Variants in COBL observed in about 807,000 individuals in gnomAD.
COBL encodes the protein protein cordon-bleu.
A neutral mutation model predicts 98.8 loss-of-function variants in COBL; 51 were observed. The observed-to-expected ratio is 0.52, with a 90% CI of 0.41 to 0.65. The LOEUF is 0.65. Ranked by LOEUF, COBL falls within the 30% of genes least tolerant of loss-of-function variation. The pLI, the probability that COBL is intolerant of heterozygous loss-of-function variation, is 0.00. For missense variants in COBL, 1,617 were observed against 1,617.5 expected (o/e 1.00, Z 0.01); for synonymous variants, 634 against 651.7 (o/e 0.97, Z 0.41).
chr7:51,236,200 C>G (rs191465251), intron 1 of COBL, among the ~76,000 whole-genome samples: 1 of 152,134 alleles, frequency 6.6e-6, no homozygotes, highest in East Asian at 1.9e-4. Context: ...AGAGCCCTTA[C>G]AAGGAGTGCT....
intron 6 of COBL, among the ~76,000 whole-genome samples, chr7:51,112,632 T>C (rs567321416): frequency 1.3e-5 from 2 of 152,162 alleles, no homozygotes; most frequent in Non-Finnish European, 2.9e-5. Context: ...ATTTAGGCCT[T>C]GCATGGGGTC....
chr7:51,214,318 A>AAGAC (rs1563047797), intron 2 of COBL, among the ~76,000 whole-genome samples: 2 of 150,992 alleles, frequency 1.3e-5, no homozygotes, highest in African/African-American at 2.4e-5. Flanking sequence ...TAAATAAATA[A>AAGAC]AGACAATGCT....
chr7:51,082,712 T>C (rs1793786839), intron 7 of COBL, among the ~76,000 whole-genome samples: 1 of 152,130 alleles, frequency 6.6e-6, no homozygotes, highest in African/African-American at 2.4e-5. Context: ...TAGCCCACCA[T>C]CCAGATCACA....
chr7:51,154,852 T>C (rs954155841), intron 5 of COBL, among the ~76,000 whole-genome samples: 4 of 152,238 alleles, frequency 2.6e-5, no homozygotes, highest in African/African-American at 9.6e-5. Context: ...TTGCTTACAC[T>C]ACTGGAGACT....
chr7:51,019,720 A>G (rs966531600), intron 12 of COBL, among the ~76,000 whole-genome samples: 7 of 152,212 alleles, frequency 4.6e-5, no homozygotes, highest in African/African-American at 1.7e-4. Context: ...GCAAAGACAG[A>G]ACTGACCCCT....
chr7:51,181,870 T>C (rs1024136219), intron 5 of COBL, among the ~76,000 whole-genome samples: 2 of 152,188 alleles, frequency 1.3e-5, no homozygotes, highest in Non-Finnish European at 2.9e-5. Context: ...GAAAGTCCCT[T>C]GCAATCCACG....
At chr7:51,108,039 C>T (rs1796470046) in intron 6 of COBL, among the ~76,000 whole-genome samples, 1 of 152,140 alleles carries the variant, frequency 6.6e-6, no homozygotes, top group Admixed American at 6.5e-5. Flanking sequence ...GAGAATATTC[C>T]ACTGCCTACA....
intron 6 of COBL, among the ~76,000 whole-genome samples, chr7:51,104,671 C>G (rs1002216606): frequency 3.3e-5 from 5 of 152,114 alleles, no homozygotes; most frequent in Non-Finnish European, 7.4e-5. Context: ...AGTCGGCAGT[C>G]TAAGGGGAGC....
intron 1 of COBL, among the ~76,000 whole-genome samples, chr7:51,294,352 GGCA>G (rs1291848184): frequency 2.4e-4 from 36 of 149,448 alleles, no homozygotes; most frequent in Non-Finnish European, 4.9e-4. Flanking sequence ...ATAAATAAAA[GGCA>G]GGGCGCAGAG....
intron 1 of COBL, among the ~76,000 whole-genome samples, chr7:51,304,703 T>C (rs575700800): frequency 6.6e-6 from 1 of 151,786 alleles, no homozygotes; most frequent in Non-Finnish European, 1.5e-5. Flanking sequence ...AAAACAATAA[T>C]GGGAAAATAA....
intron 5 of COBL, among the ~76,000 whole-genome samples, chr7:51,168,548 A>G (rs949856293): frequency 1.3e-5 from 2 of 152,258 alleles, no homozygotes; most frequent in Admixed American, 6.5e-5. Context: ...AGAGAAATGC[A>G]AATCAAAATT....
chr7:51,293,906 C>T (rs1801142972), intron 1 of COBL, among the ~76,000 whole-genome samples: 1 of 151,940 alleles, frequency 6.6e-6, no homozygotes, highest in African/African-American at 2.4e-5. Flanking sequence ...GTCCCATGCT[C>T]GGTAAGGGTG....
chr7:51,176,483 G>A (rs1264022263), intron 5 of COBL, among the ~76,000 whole-genome samples: 1 of 152,010 alleles, frequency 6.6e-6, no homozygotes, highest in Admixed American at 6.6e-5. Flanking sequence ...AAGTTTCTCA[G>A]TTGATTGAAT....
At chr7:51,152,209 C>T (rs1215747181) in intron 5 of COBL, among the ~76,000 whole-genome samples, 1 of 152,178 alleles carries the variant, frequency 6.6e-6, no homozygotes, top group Non-Finnish European at 1.5e-5. Flanking sequence ...GCAGAGATGA[C>T]CAGCGCTCCA....
intron 6 of COBL, among the ~76,000 whole-genome samples, chr7:51,115,972 C>A (rs1797239260): frequency 6.6e-6 from 1 of 152,116 alleles, no homozygotes. Flanking sequence ...AAATGTCCAT[C>A]TTAAACTCTA....
chr7:51,218,083 C>G (rs995491480), intron 2 of COBL, among the ~76,000 whole-genome samples: 1 of 152,256 alleles, frequency 6.6e-6, no homozygotes, highest in African/African-American at 2.4e-5. Context: ...CACTGGAGAG[C>G]AGGCTGGCCT....
At chr7:51,178,180 C>CTATA (rs557877738) in intron 5 of COBL, among the ~76,000 whole-genome samples, 2 of 148,734 alleles carry the variant, frequency 1.3e-5, no homozygotes, top group Non-Finnish European at 3.0e-5. Flanking sequence ...CTCTCTCTCT[C>CTATA]TATATATATA....
At chr7:51,213,198 T>A (rs1792627724) in intron 2 of COBL, among the ~76,000 whole-genome samples, 1 of 152,188 alleles carries the variant, frequency 6.6e-6, no homozygotes, top group Non-Finnish European at 1.5e-5. Flanking sequence ...CAGCTTAATA[T>A]GGGTCCTCTA....
chr7:51,205,638 TG>T (rs1197422394), intron 2 of COBL, among the ~76,000 whole-genome samples: 6 of 135,390 alleles, frequency 4.4e-5, no homozygotes, highest in Non-Finnish European at 9.5e-5. Flanking sequence ...TTTTGTTTTT[TG>T]GTTTTTTGTT....
Sources: allele counts gnomAD v4.1 joint callset (sites outside exome capture counted in the v4.1 genomes callset), GRCh38; gene constraint gnomAD v4.1.1; transcripts MANE v1.5; gene names NCBI Gene and HGNC (gene_info 2026-07-23, HGNC 2026-07-21).